Variants in USH2A observed in about 807,000 individuals in gnomAD.
The protein encoded by USH2A is usherin.
In USH2A, 443 loss-of-function variants were observed where a neutral mutation model predicts 538.9. That is an observed-to-expected ratio of 0.82 (90% CI 0.76 to 0.89). The LOEUF (loss-of-function observed/expected upper bound fraction) is 0.89, where lower values mean the gene tolerates loss of function less well. USH2A is among the 40% of genes least tolerant of loss of function. The pLI, the probability that USH2A is intolerant of heterozygous loss-of-function variation, is 0.00. For missense variants in USH2A, 6,633 were observed against 6,324.8 expected (o/e 1.05, Z -1.65); for synonymous variants, 2,413 against 2,273.5 (o/e 1.06, Z -1.75).
intron 20 of USH2A, among the ~76,000 whole-genome samples, chr1:216,187,626 T>C (rs1017571421): frequency 6.6e-6 from 1 of 151,930 alleles, no homozygotes; most frequent in African/African-American, 2.4e-5. Flanking sequence ...ATCAAAGTTG[T>C]AAAATAAACT....
chr1:216,150,722 T>A (rs2033814078), intron 21 of USH2A, among the ~76,000 whole-genome samples: 1 of 152,120 alleles, frequency 6.6e-6, no homozygotes, highest in Non-Finnish European at 1.5e-5. Context: ...TCTCCTTATA[T>A]TAACTCTACT....
Position 215,878,921 on chromosome 1 carries a change from C to A in USH2A, c.8401G>T (p.Gly2801Trp), listed in dbSNP as rs1158558641. 6 of 1,613,874 alleles carry A rather than the reference C, an allele frequency of 3.7e-6. No homozygotes were observed. Among genetic ancestry groups the A allele is most frequent in the African/African-American group, 1.3e-5 (1 of 74,868 alleles). ...CTCTCTGTGCACCCTCCAAGGTACC[C>A]ATTACCCCCTGAGCAAGCAACAATG... ...VTIVACSGGN[G>W]YLGGCTESLP... The change falls in exon 42 of 72, where the codon GGG becomes TGG. Residue 2801 changes from glycine to tryptophan, a missense_variant. Transcript: ENST00000307340.
In USH2A at chr1:215,853,161, C is replaced by A. The variant is rs182751819; in HGVS notation, c.8846-7128G>T. ...GGTGTTTCCATACATACTTTAAAATCTAGGTGGAGGTTCCCAAACCTCAAA... is the reference window on the plus strand; with the variant it reads ...GGTGTTTCCATACATACTTTAAAATATAGGTGGAGGTTCCCAAACCTCAAA... On this transcript the variant is annotated intron_variant, in intron 44 of 71. Coordinates refer to ENST00000307340, the MANE Select transcript of USH2A (RefSeq NM_206933.4). Among the ~76,000 whole-genome samples the A allele has an allele frequency of 1.6e-3, 244 of 152,332 alleles. 1 individual carries two copies. Among genetic ancestry groups the A allele is most frequent in the African/African-American group, 5.6e-3 (232 of 41,582 alleles).
At chr1:215,657,717 C>A (rs1657305595) in intron 64 of USH2A, among the ~76,000 whole-genome samples, 1 of 152,108 alleles carries the variant, frequency 6.6e-6, no homozygotes. Context: ...CATTGTCTTG[C>A]TTTCCATGAG....
Position 215,970,645 on chromosome 1 carries a change from C to G in USH2A, c.6937G>C (p.Gly2313Arg), listed in dbSNP as rs199840367. 3.7e-6 allele frequency: 6 copies of G among 1,613,664 alleles called. No individual in the cohort carries two copies. Among genetic ancestry groups the G allele is most frequent in the Non-Finnish European group, 5.1e-6 (6 of 1,179,730 alleles). The change falls in exon 36 of 72, where the codon GGT becomes CGT. Residue 2313 changes from glycine (G) to arginine (R), a missense_variant. By Grantham distance (125) the Gly-to-Arg change is moderately radical. Transcript: ENST00000307340. The part of the protein sequence containing the change: ...SFRVQACTAK[G>R]CALGPLVENR... Reference sequence around the variant, plus strand: ...CTCACCAGTGGGCCCAGAGCACAACCTTTGGCCGTGCATGCTTGGACTCTG... The same window carrying G: ...CTCACCAGTGGGCCCAGAGCACAACGTTTGGCCGTGCATGCTTGGACTCTG...
intron 61 of USH2A, among the ~76,000 whole-genome samples, chr1:215,694,513 C>T (rs559653720): frequency 7.2e-4 from 109 of 152,282 alleles, no homozygotes; most frequent in Admixed American, 1.8e-3. Context: ...GCGGAGCTTA[C>T]GGTTAGCCGA....
At chr1:215,935,024 T>A (rs988053512) in intron 37 of USH2A, among the ~76,000 whole-genome samples, 6 of 151,954 alleles carry the variant, frequency 3.9e-5, no homozygotes, top group Non-Finnish European at 1.5e-5. Flanking sequence ...ATCACGGCAA[T>A]CGAAATAATT....
chr1:215,879,445 G>T (rs1664854529), intron 41 of USH2A, among the ~76,000 whole-genome samples: 1 of 152,192 alleles, frequency 6.6e-6, no homozygotes, highest in African/African-American at 2.4e-5. Context: ...CAATAGGGTT[G>T]CATAGGATTT....
At chr1:215,960,278 A>G (rs1667166928) in intron 37 of USH2A, among the ~76,000 whole-genome samples, 1 of 152,176 alleles carries the variant, frequency 6.6e-6, no homozygotes, top group Admixed American at 6.6e-5. Flanking sequence ...TTTTATAAAT[A>G]GTTTTACATA....
intron 32 of USH2A, among the ~76,000 whole-genome samples, chr1:216,040,000 T>G (rs1250245362): frequency 1.3e-5 from 2 of 151,520 alleles, no homozygotes; most frequent in Non-Finnish European, 3.0e-5. Context: ...TCTTTCCCCC[T>G]GCCCACATCT....
intron 21 of USH2A, 79 bp downstream of exon 21, chr1:216,175,173 A>G: frequency 6.3e-7 from 1 of 1,589,098 alleles, no homozygotes; most frequent in Non-Finnish European, 8.6e-7. Context: ...ATAAAAATTC[A>G]TTGTAAAGGG....
chr1:216,013,266 A>G, intron 32 of USH2A, among the ~76,000 whole-genome samples: 1 of 146,192 alleles, frequency 6.8e-6, no homozygotes, highest in East Asian at 2.1e-4. Flanking sequence ...CCACAATATC[A>G]CCCCTTACCA....
intron 61 of USH2A, among the ~76,000 whole-genome samples, chr1:215,713,193 C>A (rs575164510): frequency 6.2e-4 from 95 of 152,330 alleles, no homozygotes; most frequent in African/African-American, 2.2e-3. Context: ...ATGATATCTT[C>A]ATGTGCTGAT....
intron 37 of USH2A, among the ~76,000 whole-genome samples, chr1:215,949,574 T>A (rs17025701): frequency 0.032 from 4,882 of 152,030 alleles, 124 homozygotes; most frequent in South Asian, 0.084. Flanking sequence ...TTCAATCAGA[T>A]TAGAAACAGG....
chr1:216,323,565 A>C lies in USH2A; in HGVS notation c.1459T>G (p.Phe487Val), dbSNP rs1456291605. The C allele has an allele frequency of 6.2e-7, 1 of 1,613,506 alleles. No homozygotes were observed. The change falls in exon 8 of 72, where the codon TTT becomes GTT. Residue 487 changes from phenylalanine (F) to valine (V), a missense_variant. By Grantham distance (50) the Phe-to-Val change is conservative. Coordinates refer to ENST00000307340, the MANE Select transcript of USH2A (RefSeq NM_206933.4). ...GTATAGTACTGCCCATGAAAATGAA[A>C]CCTTATTTGCGTGGCTTTTACGAAC... ...QEFVKATQIR[F>V]HFHGQYYTTE...
Position 216,390,670 on chromosome 1 carries a change from A to T in USH2A, c.652-25585T>A, listed in dbSNP as rs114882225. On this transcript the variant is annotated intron_variant, in intron 3 of 71. Transcript: ENST00000307340. The stretch of plus-strand genomic sequence containing the variant: ...GATAACTGATGGACCTAAATAACTT[A>T]AAAAAGATACAGGAATAATAATTTG... Among the ~76,000 whole-genome samples, 754 of 152,318 alleles carry T rather than the reference A, an allele frequency of 5.0e-3. 4 individuals are homozygous for T. The highest frequency in any genetic ancestry group is 0.017 in the African/African-American group (724 of 41,582).
intron 49 of USH2A, among the ~76,000 whole-genome samples, chr1:215,813,349 G>A (rs1275039477): frequency 1.3e-5 from 2 of 152,148 alleles, no homozygotes; most frequent in South Asian, 2.1e-4. Flanking sequence ...AACAATGCAT[G>A]TGTAGTTCAG....
chr1:216,376,080 G>A (rs2038813718), intron 3 of USH2A, among the ~76,000 whole-genome samples: 1 of 151,970 alleles, frequency 6.6e-6, no homozygotes, highest in Non-Finnish European at 1.5e-5. Context: ...ATAATGATTG[G>A]AAAAAAATTT....
At chr1:216,345,431 G>A (rs950493543) in intron 4 of USH2A, among the ~76,000 whole-genome samples, 1 of 152,084 alleles carries the variant, frequency 6.6e-6, no homozygotes, top group Non-Finnish European at 1.5e-5. Flanking sequence ...GATGCGTCAA[G>A]CTGGGTCACT....
Sources: allele counts gnomAD v4.1 joint callset (sites outside exome capture counted in the v4.1 genomes callset), GRCh38; gene constraint gnomAD v4.1.1; transcripts MANE v1.5; gene names NCBI Gene and HGNC (gene_info 2026-07-23, HGNC 2026-07-21).